Variants in HEMK2 observed in about 807,000 individuals in gnomAD.
HEMK2 encodes the protein HemK methyltransferase 2, ETF1 glutamine and histone H4 lysine.
At chr21:28,732,619 T>G in the HEMK2 span, among the ~76,000 whole-genome samples, 15 of 152,170 alleles carry the variant, frequency 9.9e-5, no homozygotes, top group Admixed American at 8.5e-4. Flanking sequence ...GAGGAGTGGA[T>G]GTAAGCATGA....
At chr21:28,756,324 A>T in the HEMK2 span, among the ~76,000 whole-genome samples, 12 of 152,244 alleles carry the variant, frequency 7.9e-5, no homozygotes, top group South Asian at 2.1e-4. Context: ...ACAGAGGCAG[A>T]TCATGCATAT....
At chr21:28,756,431 T>C in the HEMK2 span, among the ~76,000 whole-genome samples, 1 of 152,216 alleles carries the variant, frequency 6.6e-6, no homozygotes, top group Non-Finnish European at 1.5e-5. Flanking sequence ...CTTCATTCCA[T>C]GTAGAAAATG....
the HEMK2 span, among the ~76,000 whole-genome samples, chr21:28,848,846 A>ACAC: frequency 1.8e-3 from 274 of 152,302 alleles, 3 homozygotes; most frequent in African/African-American, 6.0e-3. Context: ...CAGCAGTCTT[A>ACAC]CACCCATCAG....
At chr21:28,719,219 G>A in the HEMK2 span, among the ~76,000 whole-genome samples, 1 of 152,128 alleles carries the variant, frequency 6.6e-6, no homozygotes, top group Non-Finnish European at 1.5e-5. Context: ...GCCAAGTAGG[G>A]GCATTGCTCA....
chr21:28,587,318 A>AT, the HEMK2 span, among the ~76,000 whole-genome samples: 12 of 152,158 alleles, frequency 7.9e-5, no homozygotes, highest in Admixed American at 2.0e-4. Flanking sequence ...TATTAAATTG[A>AT]TTTTTTATTA....
At chr21:28,873,615 A>G in the HEMK2 span, 5 of 152,232 alleles carry the variant, frequency 3.3e-5, no homozygotes, top group Non-Finnish European at 5.9e-5. Context: ...ACAGGGCATG[A>G]TAACACTAAG....
the HEMK2 span, among the ~76,000 whole-genome samples, chr21:28,859,533 T>C: frequency 1.3e-5 from 2 of 152,208 alleles, no homozygotes; most frequent in East Asian, 3.8e-4. Flanking sequence ...GTGTGGTTAC[T>C]TTTTTTCAAT....
the HEMK2 span, among the ~76,000 whole-genome samples, chr21:28,883,306 C>T: frequency 6.6e-6 from 1 of 152,032 alleles, no homozygotes; most frequent in Non-Finnish European, 1.5e-5. Flanking sequence ...TATCTATTAC[C>T]AAACATGGCT....
chr21:28,675,493 A>C, the HEMK2 span, among the ~76,000 whole-genome samples: 3 of 152,224 alleles, frequency 2.0e-5, no homozygotes, highest in African/African-American at 7.2e-5. Context: ...GATATCCATC[A>C]TTGGCAACAA....
At chr21:28,871,199 T>C in the HEMK2 span, among the ~76,000 whole-genome samples, 1 of 152,322 alleles carries the variant, frequency 6.6e-6, no homozygotes, top group East Asian at 1.9e-4. Context: ...CTCGCATTGC[T>C]ATAAAGAATT....
chr21:28,756,165 T>C, the HEMK2 span, among the ~76,000 whole-genome samples: 2 of 152,094 alleles, frequency 1.3e-5, no homozygotes, highest in African/African-American at 4.8e-5. Flanking sequence ...AACAGGTGAG[T>C]TGTTCAACCA....
chr21:28,740,680 A>T, the HEMK2 span, among the ~76,000 whole-genome samples: 1 of 152,186 alleles, frequency 6.6e-6, no homozygotes, highest in Non-Finnish European at 1.5e-5. Flanking sequence ...TGCTATCTTT[A>T]CCTGACCCAG....
chr21:28,704,237 G>A, the HEMK2 span, among the ~76,000 whole-genome samples: 2 of 152,242 alleles, frequency 1.3e-5, no homozygotes, highest in Admixed American at 1.3e-4. Flanking sequence ...AAGCCCAGCT[G>A]GGGAATATAA....
At chr21:28,856,130 T>C in the HEMK2 span, among the ~76,000 whole-genome samples, 1 of 152,204 alleles carries the variant, frequency 6.6e-6, no homozygotes, top group African/African-American at 2.4e-5. Flanking sequence ...ACAAGTTATT[T>C]TGGGCTGGGC....
chr21:28,763,037 C>T, the HEMK2 span, among the ~76,000 whole-genome samples: 1 of 152,176 alleles, frequency 6.6e-6, no homozygotes, highest in Admixed American at 6.5e-5. Context: ...ACTCCTATTG[C>T]CTCAGGTTAG....
the HEMK2 span, among the ~76,000 whole-genome samples, chr21:28,654,885 T>C: frequency 6.6e-6 from 1 of 152,082 alleles, no homozygotes; most frequent in African/African-American, 2.4e-5. Context: ...GGATATAAAA[T>C]CCAATTTCCA....
the HEMK2 span, among the ~76,000 whole-genome samples, chr21:28,787,627 T>C: frequency 6.6e-5 from 10 of 152,144 alleles, no homozygotes; most frequent in African/African-American, 2.4e-4. Flanking sequence ...TTACTAATGA[T>C]CATGGAAATT....
At chr21:28,851,489 G>T in the HEMK2 span, among the ~76,000 whole-genome samples, 1 of 152,330 alleles carries the variant, frequency 6.6e-6, no homozygotes, top group Non-Finnish European at 1.5e-5. Flanking sequence ...TAGGAGTTGT[G>T]CCTTTTTCTT....
chr21:28,826,355 G>A, the HEMK2 span, among the ~76,000 whole-genome samples: 1 of 152,118 alleles, frequency 6.6e-6, no homozygotes, highest in Non-Finnish European at 1.5e-5. Flanking sequence ...TAAGCTAAGT[G>A]GAATGAACAC....
Sources: allele counts gnomAD v4.1 joint callset (sites outside exome capture counted in the v4.1 genomes callset), GRCh38; gene constraint gnomAD v4.1.1; transcripts MANE v1.5; gene names NCBI Gene and HGNC (gene_info 2026-07-23, HGNC 2026-07-21).